Variants in SPTSSA observed in about 807,000 individuals in gnomAD.
SPTSSA encodes small subunit of serine palmitoyltransferase A.
In SPTSSA, 8 loss-of-function variants were observed where a neutral mutation model predicts 9.1. The observed-to-expected ratio is 0.88, with a 90% confidence interval of 0.51 to 1.58. SPTSSA has a LOEUF of 1.58. SPTSSA is among the 40% of genes most tolerant of loss of function. SPTSSA has a pLI of 0.00. For synonymous variants in SPTSSA, 42 were observed against 37.7 expected (o/e 1.11, Z -0.41); for missense variants, 100 against 93.8 (o/e 1.07, Z -0.27).
At chr14:34,460,394 C>G (rs1878592010) in intron 1 of SPTSSA, among the ~76,000 whole-genome samples, 1 of 152,030 alleles carries the variant, frequency 6.6e-6, no homozygotes, top group African/African-American at 2.4e-5. Flanking sequence ...CATGGTAACT[C>G]AAAAACATTA....
At chr14:34,453,727 G>A (rs758467454) in intron 1 of SPTSSA, among the ~76,000 whole-genome samples, 4 of 152,082 alleles carry the variant, frequency 2.6e-5, no homozygotes, top group African/African-American at 4.8e-5. Context: ...TGACCAAAAC[G>A]CTTGTATTAG....
intron 1 of SPTSSA, among the ~76,000 whole-genome samples, chr14:34,457,610 G>T (rs1435255847): frequency 6.6e-6 from 1 of 152,142 alleles, no homozygotes; most frequent in Non-Finnish European, 1.5e-5. Context: ...TCTGCACATG[G>T]AAAAAGTTCA....
intron 1 of SPTSSA, among the ~76,000 whole-genome samples, chr14:34,446,191 T>C (rs747013951): frequency 2.6e-5 from 4 of 152,200 alleles, no homozygotes; most frequent in Non-Finnish European, 5.9e-5. Flanking sequence ...CTTTGGGACC[T>C]TGGGCTTTGG....
At chr14:34,453,515 T>C (rs1429320680) in intron 1 of SPTSSA, among the ~76,000 whole-genome samples, 2 of 152,228 alleles carry the variant, frequency 1.3e-5, no homozygotes, top group Admixed American at 6.5e-5. Flanking sequence ...CCATGCTTTG[T>C]TCATGTCCCC....
intron 1 of SPTSSA, among the ~76,000 whole-genome samples, chr14:34,441,648 A>T (rs138461228): frequency 6.6e-6 from 1 of 151,792 alleles, no homozygotes; most frequent in African/African-American, 2.4e-5. Context: ...TTTCTGCTCC[A>T]TACAGGGGAC....
At chr14:34,457,203 C>G (rs1878502606) in intron 1 of SPTSSA, among the ~76,000 whole-genome samples, 1 of 151,986 alleles carries the variant, frequency 6.6e-6, no homozygotes, top group Non-Finnish European at 1.5e-5. Context: ...GCCTTGAACT[C>G]TTGACCTCAG....
At chr14:34,436,766 T>G (rs1449635213) in intron 1 of SPTSSA, among the ~76,000 whole-genome samples, 2 of 152,192 alleles carry the variant, frequency 1.3e-5, no homozygotes, top group Non-Finnish European at 1.5e-5. Flanking sequence ...AAGCTGTCTT[T>G]AGAGCCAGAG....
rs1411097482 is a variant in SPTSSA at position 34,433,332 on chromosome 14, C to G, written c.*1869G>C. The G allele has an allele frequency of 6.6e-6, 1 of 152,188 alleles. No homozygotes were observed. The highest frequency in any genetic ancestry group is 1.5e-5 in the Non-Finnish European group (1 of 68,036). 9.4% of individuals were successfully genotyped at this position (152,188 alleles called of 1,614,324 possible). Reference sequence around the variant, plus strand: ...ACTCATTGAAACTAATGATTCTCAACTTCTCCTGCCTTCAACTCACCAGAG... The same window carrying G: ...ACTCATTGAAACTAATGATTCTCAAGTTCTCCTGCCTTCAACTCACCAGAG... On this transcript the variant is annotated 3_prime_UTR_variant, in exon 2 of 2. Coordinates refer to ENST00000298130, the MANE Select transcript of SPTSSA (RefSeq NM_138288.4).
chr14:34,461,887 C>A (rs1269477769), intron 1 of SPTSSA, among the ~76,000 whole-genome samples: 1 of 151,996 alleles, frequency 6.6e-6, no homozygotes, highest in Non-Finnish European at 1.5e-5. Context: ...GACCCCGGAT[C>A]TCAAGAGTTC....
chr14:34,439,287 C>T (rs545146472), intron 1 of SPTSSA, among the ~76,000 whole-genome samples: 4 of 152,118 alleles, frequency 2.6e-5, no homozygotes, highest in Middle Eastern at 3.4e-3. Context: ...AGAAAGGGGG[C>T]GCTATAGGTC....
At chr14:34,446,105 A>T (rs935093855) in intron 1 of SPTSSA, among the ~76,000 whole-genome samples, 1 of 152,180 alleles carries the variant, frequency 6.6e-6, no homozygotes, top group African/African-American at 2.4e-5. Flanking sequence ...TCACCAGGTA[A>T]AAAAAGCTTT....
rs1220683513 is a variant in SPTSSA at position 34,434,595 on chromosome 14, T to C, written c.*606A>G. 2 of 152,650 alleles carry C rather than the reference T, an allele frequency of 1.3e-5. No homozygotes were observed. The highest frequency in any genetic ancestry group is 1.3e-4 in the Admixed American group (2 of 15,282). The allele number at this position is 152,650 out of a possible 1,614,324, so 9.5% of individuals were successfully genotyped here. A position where few individuals can be genotyped will look rare whatever the true frequency, so the allele number is the denominator to read the frequency against. The stretch of plus-strand genomic sequence containing the variant: ...TTAACTTTAGCAAGATCTTTTCTTT[T>C]TCATTAAGAAACACTTTAATAATTT... On this transcript the variant is annotated 3_prime_UTR_variant, in exon 2 of 2. Transcript: ENST00000298130.
chr14:34,456,098 C>T (rs190740972), intron 1 of SPTSSA, among the ~76,000 whole-genome samples: 5 of 151,654 alleles, frequency 3.3e-5, no homozygotes, highest in Non-Finnish European at 7.4e-5. Flanking sequence ...CGGAGGCAGG[C>T]GGATCACGAG....
chr14:34,444,541 C>A (rs1452239171), intron 1 of SPTSSA, among the ~76,000 whole-genome samples: 1 of 152,058 alleles, frequency 6.6e-6, no homozygotes, highest in Non-Finnish European at 1.5e-5. Context: ...ATCCCGAGGT[C>A]AACAGTTCAA....
At chr14:34,461,253 G>A (rs1296490683) in intron 1 of SPTSSA, among the ~76,000 whole-genome samples, 1 of 152,120 alleles carries the variant, frequency 6.6e-6, no homozygotes, top group African/African-American at 2.4e-5. Flanking sequence ...TGTCAATATG[G>A]ACAAGCAGAG....
chr14:34,436,161 T>C (rs1883238631), intron 1 of SPTSSA, among the ~76,000 whole-genome samples: 1 of 152,210 alleles, frequency 6.6e-6, no homozygotes, highest in South Asian at 2.1e-4. Context: ...GCTACTGCTA[T>C]TATCACTATT....
intron 1 of SPTSSA, 51 bp downstream of exon 1, chr14:34,462,045 G>C: frequency 8.3e-7 from 1 of 1,209,082 alleles, no homozygotes; most frequent in Non-Finnish European, 1.0e-6. Context: ...ATGCGGCCCC[G>C]CGGCCCGCGC....
intron 1 of SPTSSA, 25 bp downstream of exon 1, chr14:34,462,071 C>G (rs1878632073): frequency 7.4e-7 from 1 of 1,352,302 alleles, no homozygotes; most frequent in Admixed American, 2.8e-5. Context: ...GCCCGGCCCC[C>G]GCGCGCGCGG....
chr14:34,461,450 C>A (rs1449855045), intron 1 of SPTSSA, among the ~76,000 whole-genome samples: 1 of 152,334 alleles, frequency 6.6e-6, no homozygotes, highest in East Asian at 1.9e-4. Context: ...TCAAACCCTA[C>A]CGACAACTAA....
Sources: allele counts gnomAD v4.1 joint callset (sites outside exome capture counted in the v4.1 genomes callset), GRCh38; gene constraint gnomAD v4.1.1; transcripts MANE v1.5; gene names NCBI Gene and HGNC (gene_info 2026-07-23, HGNC 2026-07-21).